The following SLC9B1 variants were observed in gnomAD, a reference collection of about 807,000 sequenced individuals.
SLC9B1 encodes the protein solute carrier family 9 member B1.
A neutral mutation model predicts 51.7 loss-of-function variants in SLC9B1; 32 were observed. That is an observed-to-expected ratio of 0.62 (90% CI 0.47 to 0.83). SLC9B1 has a LOEUF of 0.83. Among genes scored for constraint, SLC9B1 ranks in the 40% least tolerant of loss-of-function variants. The probability of loss-of-function intolerance (pLI) is 0.00; values close to 1 mark genes in which losing one functional copy is unlikely to be tolerated. For missense variants in SLC9B1, 406 were observed against 613.2 expected (o/e 0.66, Z 3.57); for synonymous variants, 145 against 212.7 (o/e 0.68, Z 2.77).
chr4:102,964,934 G>T (rs1440825551), intron 3 of SLC9B1, among the ~76,000 whole-genome samples: 1 of 152,022 alleles, frequency 6.6e-6, no homozygotes. Context: ...AAGGAAAAAA[G>T]TTATGGAAAA....
rs58316456 is a variant in SLC9B1 at position 102,893,281 on chromosome 4, C to CAAAAAAAAAA, written c.1333-7963_1333-7954dup. Among the ~76,000 whole-genome samples the CAAAAAAAAAA allele has an allele frequency of 1.7e-3, 61 of 35,132 alleles. 2 individuals carry two copies. Among genetic ancestry groups the CAAAAAAAAAA allele is most frequent in the South Asian group, 3.7e-3 (2 of 542 alleles). 23.0% of individuals were successfully genotyped at this position (35,132 alleles called of 152,430 possible). A position where few individuals can be genotyped will look rare whatever the true frequency, so the allele number is the denominator to read the frequency against. ...TGGGCCACAGAGCAAGACTCCATCT[C>CAAAAAAAAAA]AAAAAAAAAAAAAAAAAAAAAAAAG... On this transcript the variant is annotated intron_variant, in intron 11 of 11. Coordinates refer to the SLC9B1 transcript ENST00000394789.
In SLC9B1 at chr4:102,958,689, G is replaced by A. The variant is rs139207983; in HGVS notation, c.212-9262C>T. Among the ~76,000 whole-genome samples, 691 of 152,236 alleles carry A rather than the reference G, an allele frequency of 4.5e-3. 5 individuals carry two copies. The highest frequency in any genetic ancestry group is 0.042 in the East Asian group (218 of 5,178). On this transcript the variant is annotated intron_variant, in intron 3 of 11. Coordinates refer to ENST00000296422, the MANE Select transcript of SLC9B1 (RefSeq NM_139173.4). ...TGTAATCCCAGCACTTTGGGAGGCC[G>A]TGGTGGGCGGATCACAAGGTCAGGA...
At chr4:102,889,699 G>A (rs532951253) in intron 11 of SLC9B1, 1 of 152,146 alleles carries the variant, frequency 6.6e-6, no homozygotes, top group Non-Finnish European at 1.5e-5. Flanking sequence ...TTTCCCACCT[G>A]TGCACATTTT....
intron 3 of SLC9B1, among the ~76,000 whole-genome samples, chr4:102,967,371 TTC>T (rs941655672): frequency 1.3e-5 from 2 of 152,240 alleles, no homozygotes; most frequent in African/African-American, 4.8e-5. Context: ...AGTACAAATT[TTC>T]TGTCTTAGTC....
intron 3 of SLC9B1, among the ~76,000 whole-genome samples, chr4:102,967,197 T>C (rs1738474795): frequency 6.6e-6 from 1 of 152,238 alleles, no homozygotes; most frequent in African/African-American, 2.4e-5. Context: ...TCTCGTCTTT[T>C]TGTTGTCTTC....
At chr4:102,920,827 T>C in intron 7 of SLC9B1, among the ~76,000 whole-genome samples, 1 of 152,098 alleles carries the variant, frequency 6.6e-6, no homozygotes, top group East Asian at 1.9e-4. Flanking sequence ...GAAGATCAAA[T>C]AAATGAAATA....
At chr4:102,897,540 C>A, downstream of SLC9B1, 1 of 284,028 alleles carries the variant, frequency 3.5e-6, no homozygotes. Flanking sequence ...GGGAATCAGC[C>A]TCTATCAGCC....
chr4:103,002,151 T>G (rs1416558397), intron 1 of SLC9B1, among the ~76,000 whole-genome samples: 1 of 152,152 alleles, frequency 6.6e-6, no homozygotes, highest in Non-Finnish European at 1.5e-5. Flanking sequence ...CCTCAACACG[T>G]GGGGATTCCA....
intron 10 of SLC9B1, 122 bp downstream of exon 10, chr4:102,906,414 C>CTG (rs1735057590): frequency 1.9e-6 from 1 of 539,354 alleles, no homozygotes; most frequent in Non-Finnish European, 3.2e-6. Flanking sequence ...GACACTGTAT[C>CTG]AACATGTGTT....
chr4:102,939,789 C>T (rs1332181580), intron 6 of SLC9B1, among the ~76,000 whole-genome samples: 1 of 151,686 alleles, frequency 6.6e-6, no homozygotes, highest in African/African-American at 2.4e-5. Context: ...TATAATAGAA[C>T]TAAAAATAAA....
intron 1 of SLC9B1, among the ~76,000 whole-genome samples, chr4:103,016,295 C>G (rs914697956): frequency 6.6e-6 from 1 of 152,034 alleles, no homozygotes; most frequent in African/African-American, 2.4e-5. Flanking sequence ...TTTCCACCCC[C>G]CTCTATTGGA....
chr4:103,004,700 C>T (rs1166368170), intron 1 of SLC9B1, among the ~76,000 whole-genome samples: 1 of 152,140 alleles, frequency 6.6e-6, no homozygotes, highest in East Asian at 1.9e-4. Flanking sequence ...GGCAGGTCAT[C>T]TACAAATGGA....
At chr4:102,885,127 CAAAG>C (rs1473202893) in exon 12 of SLC9B1, 59 of 1,071,586 alleles carry the variant, frequency 5.5e-5, no homozygotes, top group Non-Finnish European at 8.3e-5. Flanking sequence ...TAAAAAGTAA[CAAAG>C]AATAAGCTCA....
intron 11 of SLC9B1, among the ~76,000 whole-genome samples, chr4:102,886,210 C>G (rs570802227): frequency 2.6e-5 from 4 of 152,192 alleles, no homozygotes; most frequent in Admixed American, 1.3e-4. Context: ...ACACGCAGGC[C>G]AGGCGCGGTG....
At chr4:102,889,921 C>T (rs1734151810) in intron 11 of SLC9B1, 1 of 152,078 alleles carries the variant, frequency 6.6e-6, no homozygotes, top group Non-Finnish European at 1.5e-5. Flanking sequence ...AAAAAAGTAA[C>T]TTGGCTCTTG....
chr4:102,993,646 C>T (rs1166374825), intron 1 of SLC9B1, among the ~76,000 whole-genome samples: 2 of 152,196 alleles, frequency 1.3e-5, no homozygotes, highest in Non-Finnish European at 2.9e-5. Context: ...TGTGTGGGGG[C>T]TCCAACCCCA....
chr4:102,918,615 T>A (rs905358133), intron 7 of SLC9B1, among the ~76,000 whole-genome samples: 4 of 152,198 alleles, frequency 2.6e-5, no homozygotes, highest in Non-Finnish European at 5.9e-5. Flanking sequence ...GATTAGTTCA[T>A]GAAGTCATAG....
At chr4:103,005,626 C>T (rs771848105) in intron 1 of SLC9B1, among the ~76,000 whole-genome samples, 2 of 152,158 alleles carry the variant, frequency 1.3e-5, no homozygotes, top group Non-Finnish European at 2.9e-5. Flanking sequence ...TTTTACACAA[C>T]TTGCCACCCC....
intron 1 of SLC9B1, among the ~76,000 whole-genome samples, chr4:103,008,329 T>C (rs1448660609): frequency 6.6e-6 from 1 of 152,158 alleles, no homozygotes; most frequent in Non-Finnish European, 1.5e-5. Context: ...CTTGGTTTTT[T>C]AGAATGTCTG....
Sources: gnomAD v4.1 joint callset for allele counts (sites outside exome capture counted in the v4.1 genomes callset) on GRCh38, gnomAD v4.1.1 for gene constraint, MANE v1.5 for transcripts, NCBI Gene and HGNC (gene_info 2026-07-23, HGNC 2026-07-21) for gene names.